FNIP2: variants seen among roughly 807,000 people sequenced by gnomAD.
FNIP2 encodes the protein folliculin interacting protein 2, also known as folliculin-interacting protein 2.
FNIP2 carries 32 observed loss-of-function variants against 108.7 expected under a neutral mutation model. The observed-to-expected ratio is 0.29, with a 90% CI of 0.22 to 0.40. The LOEUF (loss-of-function observed/expected upper bound fraction) is 0.40, where lower values mean the gene tolerates loss of function less well. Among genes scored for constraint, FNIP2 ranks in the 10% least tolerant of loss-of-function variants. The probability of loss-of-function intolerance (pLI) is 1.00; values close to 1 mark genes in which losing one functional copy is unlikely to be tolerated. For synonymous variants in FNIP2, 480 were observed against 496.7 expected (o/e 0.97, Z 0.45); for missense variants, 1,202 against 1,381.6 (o/e 0.87, Z 2.06).
intron 1 of FNIP2, among the ~76,000 whole-genome samples, chr4:158,809,366 G>A (rs903834695): frequency 6.6e-6 from 1 of 152,206 alleles, no homozygotes; most frequent in African/African-American, 2.4e-5. Flanking sequence ...TGCTGAAGCA[G>A]GATAATCACT....
chr4:158,769,291 A>AGGG lies in FNIP2; in HGVS notation c.80_82dup (p.Arg27_Ala28insGly). ...CTCCGCGGCGGCGTCTGCCCAGGGCAGGGCTCCTAAGGAAGGACCCGCCTT... is the reference window on the plus strand; with the variant it reads ...CTCCGCGGCGGCGTCTGCCCAGGGCAGGGGGGCTCCTAAGGAAGGACCCGCCTT... On this transcript the variant is annotated inframe_insertion, in exon 1 of 17. Transcript: ENST00000264433. 1 of 1,530,780 alleles carries AGGG rather than the reference A, an allele frequency of 6.5e-7. No individual in the cohort carries two copies. The highest frequency in any genetic ancestry group is 1.2e-5 in the South Asian group (1 of 82,812). 94.8% of individuals were successfully genotyped at this position (1,530,780 alleles called of 1,614,324 possible).
intron 1 of FNIP2, among the ~76,000 whole-genome samples, chr4:158,804,890 A>G (rs1178717289): frequency 6.6e-6 from 1 of 152,202 alleles, no homozygotes; most frequent in Non-Finnish European, 1.5e-5. Flanking sequence ...GATACTATCA[A>G]TTTAGCATGT....
At chr4:158,809,767 T>C (rs1413217067) in intron 1 of FNIP2, among the ~76,000 whole-genome samples, 2 of 152,224 alleles carry the variant, frequency 1.3e-5, no homozygotes, top group Admixed American at 6.5e-5. Flanking sequence ...TCAGAGTCAA[T>C]TGTGCTTTAC....
intron 14 of FNIP2, among the ~76,000 whole-genome samples, chr4:158,875,923 T>C (rs566797620): frequency 1.3e-5 from 2 of 152,214 alleles, no homozygotes; most frequent in Non-Finnish European, 2.9e-5. Context: ...TTTAATGATA[T>C]AGAACTAAAA....
intron 2 of FNIP2, among the ~76,000 whole-genome samples, chr4:158,828,401 GTCAAGAGA>G (rs1778274407): frequency 6.6e-6 from 1 of 152,144 alleles, no homozygotes; most frequent in Non-Finnish European, 1.5e-5. Flanking sequence ...AGATCACGAG[GTCAAGAGA>G]TCAAGACCAT....
chr4:158,875,448 T>C (rs924174607), intron 14 of FNIP2, among the ~76,000 whole-genome samples: 5 of 148,870 alleles, frequency 3.4e-5, no homozygotes, highest in African/African-American at 1.3e-4. Flanking sequence ...TAGCAACAGA[T>C]TGACTCCAGA....
rs200009550 is a variant in FNIP2 at position 158,891,506 on chromosome 4, T to C, written c.3010T>C (p.Trp1004Arg). 224 of 1,609,806 alleles carry C rather than the reference T, an allele frequency of 1.4e-4. No individual in the cohort carries two copies. Among genetic ancestry groups the C allele is most frequent in the Non-Finnish European group, 1.5e-4 (173 of 1,178,096 alleles). ...CTGTATTATCGCAGACACGGATAAA[T>C]GGAGTGTGCAGGTAGCTACAAGTCA... ...AVCIIADTDK[W>R]SVQVATSQRK... is the part of the protein sequence containing the mutation. Residue 1004 changes from tryptophan to arginine, a missense_variant, in exon 15 of 17, where the codon TGG becomes CGG. Transcript: ENST00000264433.
intron 7 of FNIP2, among the ~76,000 whole-genome samples, chr4:158,848,083 C>G (rs557647897): frequency 6.6e-6 from 1 of 152,340 alleles, no homozygotes; most frequent in Admixed American, 6.5e-5. Flanking sequence ...GAGGGAAGGA[C>G]ACAAGCCTGG....
rs1232036773 is a variant in FNIP2 at position 158,906,439 on chromosome 4, C to T, written c.*1895C>T. 1 of 152,164 alleles carries T rather than the reference C, an allele frequency of 6.6e-6. No individual in the cohort carries two copies. Among genetic ancestry groups the T allele is most frequent in the African/African-American group, 2.4e-5 (1 of 41,436 alleles). The allele number at this position is 152,164 out of a possible 1,614,324, so 9.4% of individuals were successfully genotyped here. On this transcript the variant is annotated 3_prime_UTR_variant, in exon 17 of 17. Coordinates refer to ENST00000264433, the MANE Select transcript of FNIP2 (RefSeq NM_020840.3). ...AACTTGTTACAAAATCAGTTCAATT[C>T]TAATGTGGACATAGTGGCATGTTCA...
intron 15 of FNIP2, among the ~76,000 whole-genome samples, 174 bp from the exon 16 acceptor site, chr4:158,895,576 A>G (rs1340517393): frequency 1.3e-5 from 2 of 152,250 alleles, no homozygotes; most frequent in East Asian, 1.9e-4. Context: ...ACAAGAACCT[A>G]TTCTTATACC....
chr4:158,769,434 C>T (rs753764561), intron 1 of FNIP2, 115 bp downstream of exon 1: 58 of 570,990 alleles, frequency 1.0e-4, no homozygotes, highest in Non-Finnish European at 1.5e-4. Flanking sequence ...CGCTGCCTAT[C>T]GCCGGCACCT....
At chr4:158,901,960 A>T (rs1221793968) in intron 16 of FNIP2, among the ~76,000 whole-genome samples, 1 of 150,278 alleles carries the variant, frequency 6.7e-6, no homozygotes, top group Non-Finnish European at 1.5e-5. Flanking sequence ...GGAGTTTGTT[A>T]TTACCCACCT....
At chr4:158,775,666 A>T (rs1187823156) in intron 1 of FNIP2, among the ~76,000 whole-genome samples, 2 of 152,192 alleles carry the variant, frequency 1.3e-5, no homozygotes, top group African/African-American at 4.8e-5. Flanking sequence ...GAAAAGGACA[A>T]TGTGCCTTCT....
Position 158,832,671 on chromosome 4 carries a change from T to C in FNIP2, c.554+533T>C, listed in dbSNP as rs1405045234. On this transcript the variant is annotated intron_variant, in intron 5 of 16. Transcript: ENST00000264433. The stretch of plus-strand genomic sequence containing the variant: ...CTGGGAAATTAAAAATATTTCTCTA[T>C]ATATTTGAATACCATTAAGTGAGTC... Among the ~76,000 whole-genome samples the C allele has an allele frequency of 3.3e-5, 5 of 152,370 alleles. No individual in the cohort carries two copies. The East Asian group carries it at 9.6e-4, about 29-fold the overall frequency.
chr4:158,806,243 A>G (rs1560765336), intron 1 of FNIP2: 1 of 1,289,368 alleles, frequency 7.8e-7, no homozygotes, highest in Non-Finnish European at 1.0e-6. Flanking sequence ...TAAACCGTTC[A>G]GGAGATGTGC....
chr4:158,773,460 T>C (rs140144776), intron 1 of FNIP2, among the ~76,000 whole-genome samples: 1 of 152,348 alleles, frequency 6.6e-6, no homozygotes, highest in East Asian at 1.9e-4. Context: ...ATTTCTCTGA[T>C]CCTCAGCTTT....
At chr4:158,779,549 TA>T (rs1462110918) in intron 1 of FNIP2, among the ~76,000 whole-genome samples, 4 of 145,752 alleles carry the variant, frequency 2.7e-5, no homozygotes, top group African/African-American at 1.0e-4. Context: ...AGATTGTGGG[TA>T]AATATCCTTT....
intron 1 of FNIP2, among the ~76,000 whole-genome samples, chr4:158,791,587 T>G (rs1199950850): frequency 6.6e-6 from 1 of 152,168 alleles, no homozygotes; most frequent in African/African-American, 2.4e-5. Context: ...CAGCCTGCAC[T>G]GAGAATCCTA....
rs1174433967 is a variant in FNIP2, at chr4:158,769,338, G to C, written c.107+19G>C. The C allele has an allele frequency of 6.9e-7, 1 of 1,458,972 alleles. No individual in the cohort carries two copies. The highest frequency in any genetic ancestry group is 2.4e-5 in the Admixed American group (1 of 41,242). 90.4% of individuals were successfully genotyped at this position (1,458,972 alleles called of 1,614,324 possible). On this transcript the variant is annotated intron_variant, in intron 1 of 16. Coordinates refer to ENST00000264433, the MANE Select transcript of FNIP2 (RefSeq NM_020840.3). Reference sequence around the variant, plus strand: ...CCTTTAGGTGAGGGGGCGCCGGGGGGCAATTCTGGCGCGGGACCCGAGTTG... The same window carrying C: ...CCTTTAGGTGAGGGGGCGCCGGGGGCCAATTCTGGCGCGGGACCCGAGTTG...
Sources: gnomAD v4.1 joint callset for allele counts (sites outside exome capture counted in the v4.1 genomes callset) on GRCh38, gnomAD v4.1.1 for gene constraint, MANE v1.5 for transcripts, NCBI Gene and HGNC (gene_info 2026-07-23, HGNC 2026-07-21) for gene names.